TNFAIP8L3: variants seen among roughly 807,000 people sequenced by gnomAD.
TNFAIP8L3 encodes the protein tumor necrosis factor alpha-induced protein 8-like protein 3.
A neutral mutation model predicts 11.8 loss-of-function variants in TNFAIP8L3; 7 were observed. The ratio of observed to expected loss-of-function variants is 0.59; its 90% CI spans 0.34 to 1.11. The LOEUF (loss-of-function observed/expected upper bound fraction) is 1.11. Among genes scored for constraint, TNFAIP8L3 ranks in the 50% most tolerant of loss-of-function variants. The probability of loss-of-function intolerance (pLI) is 0.03; values close to 1 mark genes in which losing one functional copy is unlikely to be tolerated. For missense variants in TNFAIP8L3, 219 were observed against 258.6 expected (o/e 0.85, Z 1.05); for synonymous variants, 98 against 103.8 (o/e 0.94, Z 0.34).
chr15:51,097,928 ATGGCATCACTT>A (rs1243269422), upstream of TNFAIP8L3, among the ~76,000 whole-genome samples: 2 of 152,210 alleles, frequency 1.3e-5, no homozygotes, highest in Admixed American at 1.3e-4. Flanking sequence ...TTTTAGAAAA[ATGGCATCACTT>A]TGCAGACTTG....
At chr15:51,080,245 C>T (rs1038804802) in intron 1 of TNFAIP8L3, among the ~76,000 whole-genome samples, 2 of 152,180 alleles carry the variant, frequency 1.3e-5, no homozygotes, top group African/African-American at 4.8e-5. Flanking sequence ...ACTTCCATGC[C>T]TGCATTTCCT....
chr15:51,095,944 T>C (rs898373945), upstream of TNFAIP8L3, among the ~76,000 whole-genome samples: 1 of 152,242 alleles, frequency 6.6e-6, no homozygotes, highest in Non-Finnish European at 1.5e-5. Context: ...TCATCTAATC[T>C]GTACAATGAC....
At chr15:51,097,621 T>C (rs2065522821), upstream of TNFAIP8L3, among the ~76,000 whole-genome samples, 1 of 152,204 alleles carries the variant, frequency 6.6e-6, no homozygotes, top group African/African-American at 2.4e-5. Flanking sequence ...TTTCCTATGA[T>C]GTACAATCTG....
chr15:51,093,989 C>G (rs1488264087), intron 1 of TNFAIP8L3, among the ~76,000 whole-genome samples: 1 of 152,156 alleles, frequency 6.6e-6, no homozygotes, highest in East Asian at 1.9e-4. Context: ...TCTGGACCTT[C>G]TCCGCCGGCT....
chr15:51,104,011 G>A (rs2065571609), intron 1 of TNFAIP8L3, among the ~76,000 whole-genome samples: 1 of 152,180 alleles, frequency 6.6e-6, no homozygotes, highest in Admixed American at 6.5e-5. Context: ...AGTGGAGGGT[G>A]AGGTCAGTGC....
intron 1 of TNFAIP8L3, among the ~76,000 whole-genome samples, chr15:51,063,759 T>A (rs2065253920): frequency 6.6e-6 from 1 of 152,158 alleles, no homozygotes; most frequent in Admixed American, 6.5e-5. Flanking sequence ...ATATTGACAA[T>A]GAATCAAAAT....
At chr15:51,084,122 G>C (rs1030843109) in intron 1 of TNFAIP8L3, among the ~76,000 whole-genome samples, 1 of 152,182 alleles carries the variant, frequency 6.6e-6, no homozygotes, top group East Asian at 1.9e-4. Context: ...AAGTGTTTAC[G>C]TGTGTGACTG....
Position 51,057,606 on chromosome 15 carries a change from C to T in TNFAIP8L3, c.*275G>A. 6.2e-6 allele frequency: 2 copies of T among 322,684 alleles called. No homozygotes were observed. The highest frequency in any genetic ancestry group is 6.0e-5 in the East Asian group (1 of 16,764). 20.0% of individuals were successfully genotyped at this position (322,684 alleles called of 1,614,324 possible). A position where few individuals can be genotyped will look rare whatever the true frequency, so the allele number is the denominator to read the frequency against. ...CTCCCACTCCATGAGATGAACAGCA[C>T]TCACTGTAATGAACAAAACAGCCTT... On this transcript the variant is annotated 3_prime_UTR_variant, in exon 2 of 2. Coordinates refer to ENST00000637513, the MANE Select transcript of TNFAIP8L3 (RefSeq NM_001311175.2).
intron 1 of TNFAIP8L3, among the ~76,000 whole-genome samples, chr15:51,071,594 T>C (rs2065309267): frequency 6.6e-6 from 1 of 152,260 alleles, no homozygotes; most frequent in South Asian, 2.1e-4. Context: ...GTTGCTTATA[T>C]AAATATATAT....
upstream of TNFAIP8L3, among the ~76,000 whole-genome samples, chr15:51,096,829 T>C (rs2065516508): frequency 6.9e-6 from 1 of 144,704 alleles, no homozygotes; most frequent in South Asian, 2.1e-4. Context: ...AGGCGGAAGT[T>C]GCAGTGAGCC....
upstream of TNFAIP8L3, among the ~76,000 whole-genome samples, chr15:51,097,185 T>A (rs1325443859): frequency 6.6e-6 from 1 of 152,166 alleles, no homozygotes; most frequent in Non-Finnish European, 1.5e-5. Flanking sequence ...TGGTTTTGCT[T>A]TTGTTTTAAT....
chr15:51,104,926 G>A, intron 1 of TNFAIP8L3: 1 of 1,581,876 alleles, frequency 6.3e-7, no homozygotes, highest in Non-Finnish European at 8.7e-7. Context: ...TGCATCCTCA[G>A]CTCGCCACCT....
chr15:51,078,803 T>C (rs1245621137), intron 1 of TNFAIP8L3, among the ~76,000 whole-genome samples: 1 of 152,018 alleles, frequency 6.6e-6, no homozygotes, highest in Non-Finnish European at 1.5e-5. Flanking sequence ...TCACCTCCCA[T>C]ATCTAACGAG....
chr15:51,074,082 A>T (rs2065332496), intron 1 of TNFAIP8L3, among the ~76,000 whole-genome samples: 1 of 152,354 alleles, frequency 6.6e-6, no homozygotes, highest in South Asian at 2.1e-4. Context: ...GCATTTTGCA[A>T]CTATACTCAA....
At position 51,058,080 on chromosome 15, in the gene TNFAIP8L3, T is replaced by A. The variant is rs144316469; in HGVS notation, c.416A>T (p.His139Leu). ...TTCATGCACCAGGTCCTTGCACTCATGCAGGAGATTGGAGAGCACGTTCCT... is the reference window on the plus strand; with the variant it reads ...TTCATGCACCAGGTCCTTGCACTCAAGCAGGAGATTGGAGAGCACGTTCCT... ...FDRNVLSNLLHECKDLVHELV... is the reference protein window; with the variant it reads ...FDRNVLSNLLLECKDLVHELV... Residue 139 changes from histidine to leucine, a missense_variant, in exon 2 of 2, where the codon CAT becomes CTT. Transcript: ENST00000637513. The A allele has an allele frequency of 7.5e-4, 1,203 of 1,614,102 alleles. 1 individual carries two copies. The highest frequency in any genetic ancestry group is 9.3e-4 in the Non-Finnish European group (1,094 of 1,179,976).
At chr15:51,105,219 A>G in exon 1 of TNFAIP8L3, 1 of 1,599,166 alleles carries the variant, frequency 6.3e-7, no homozygotes. Context: ...CCTAACTTGC[A>G]CACTGACTCT....
chr15:51,057,951 C>G lies in TNFAIP8L3; in HGVS notation c.545G>C (p.Gly182Ala), dbSNP rs752514190. The G allele has an allele frequency of 2.1e-4, 338 of 1,613,346 alleles. No individual in the cohort carries two copies. The highest frequency in any genetic ancestry group is 2.5e-4 in the Non-Finnish European group (299 of 1,179,810). The change falls in exon 2 of 2, where the codon GGA (glycine) becomes GCA (alanine). Residue 182 changes from glycine to alanine, a missense_variant. Transcript: ENST00000637513. ...CCTCTTGAGGTTGGGCCTACAGTCTCCATCCAGACTATAGAGGGTGGAGAG... is the reference window on the plus strand; with the variant it reads ...CCTCTTGAGGTTGGGCCTACAGTCTGCATCCAGACTATAGAGGGTGGAGAG... ...EFLSTLYSLD[G>A]DCRPNLKRIC...
intron 1 of TNFAIP8L3, among the ~76,000 whole-genome samples, chr15:51,062,005 C>T (rs2065244920): frequency 6.6e-6 from 1 of 152,022 alleles, no homozygotes; most frequent in Non-Finnish European, 1.5e-5. Flanking sequence ...TTTTCTTGGC[C>T]ACCACACCCT....
At chr15:51,070,646 CA>C (rs1407945103) in intron 1 of TNFAIP8L3, among the ~76,000 whole-genome samples, 12 of 152,186 alleles carry the variant, frequency 7.9e-5, no homozygotes, top group African/African-American at 2.9e-4. Flanking sequence ...TTCAGCCTGC[CA>C]CACTGAGCTG....
Sources: allele counts gnomAD v4.1 joint callset (sites outside exome capture counted in the v4.1 genomes callset), GRCh38; gene constraint gnomAD v4.1.1; transcripts MANE v1.5; gene names NCBI Gene and HGNC (gene_info 2026-07-23, HGNC 2026-07-21).